AQR: variants seen among roughly 807,000 people sequenced by gnomAD.
AQR encodes the protein aquarius intron-binding spliceosomal factor.
In AQR, 61 loss-of-function variants were observed where a neutral mutation model predicts 180.5. The ratio of observed to expected loss-of-function variants is 0.34; its 90% confidence interval spans 0.28 to 0.42. The LOEUF (loss-of-function observed/expected upper bound fraction) is 0.42, where lower values mean the gene tolerates loss of function less well. Ranked by LOEUF, AQR falls within the 10% of genes least tolerant of loss-of-function variation. The pLI, the probability that AQR is intolerant of heterozygous loss-of-function variation, is 1.00. For synonymous variants in AQR, 551 were observed against 588.8 expected, an observed-to-expected ratio of 0.94 and a Z score of 0.93; for missense variants, 1,281 against 1,798.3, an observed-to-expected ratio of 0.71 and a Z score of 5.20.
At chr15:34,959,319 T>A (rs1260361042) in intron 3 of AQR, among the ~76,000 whole-genome samples, 1 of 152,146 alleles carries the variant, frequency 6.6e-6, no homozygotes, top group Non-Finnish European at 1.5e-5. Context: ...TACGCCACCA[T>A]GTCCAGCTAA....
intron 32 of AQR, among the ~76,000 whole-genome samples, chr15:34,864,760 C>T (rs1237912597): frequency 3.3e-5 from 5 of 152,122 alleles, no homozygotes; most frequent in South Asian, 2.1e-4. Flanking sequence ...GAGAAAACTT[C>T]TCCCCAGCCT....
At chr15:34,932,884 A>C (rs1218806099) in intron 10 of AQR, among the ~76,000 whole-genome samples, 2 of 152,146 alleles carry the variant, frequency 1.3e-5, no homozygotes, top group Non-Finnish European at 2.9e-5. Context: ...TGAACCCAGG[A>C]GGCAGAGGTT....
At chr15:34,881,620 ACTC>A (rs1892974629) in intron 27 of AQR, among the ~76,000 whole-genome samples, 1 of 152,110 alleles carries the variant, frequency 6.6e-6, no homozygotes, top group Non-Finnish European at 1.5e-5. Flanking sequence ...GTTATTTTGT[ACTC>A]CTGTTTTTAT....
intron 34 of AQR, among the ~76,000 whole-genome samples, chr15:34,858,466 T>C (rs1019552203): frequency 6.6e-6 from 1 of 152,160 alleles, no homozygotes; most frequent in African/African-American, 2.4e-5. Context: ...ATCTTATTCA[T>C]GGATAGGAAG....
rs199672982 is a variant in AQR at position 34,875,994 on chromosome 15, A to G, written c.3178T>C (p.Leu1060=). 2,515 of 1,611,030 alleles carry G rather than the reference A, an allele frequency of 1.6e-3. 4 individuals are homozygous for G. Among genetic ancestry groups the G allele is most frequent in the Admixed American group, 2.1e-3 (124 of 59,976 alleles). The change falls in exon 28 of 35, where the codon TTG becomes CTG. Residue 1060 remains leucine, a synonymous_variant. Coordinates refer to ENST00000156471, the MANE Select transcript of AQR (RefSeq NM_014691.3). ...VKLGFKYDNI[L]MEEAAQILEI... is the part of the protein sequence containing the mutation. ...AGAATCTGAGCAGCCTCTTCCATCA[A>G]AATGTTGTCATACTAAGAAAGAGGA... is the stretch of plus-strand genomic sequence containing the variant.
rs1893186064 is a variant in AQR, at chr15:34,893,623, A to ACG, written c.2571+39_2571+40insCG. The ACG allele has an allele frequency of 9.0e-6, 13 of 1,440,514 alleles. No homozygotes were observed. In the Admixed American group the frequency reaches 1.1e-4, roughly 12 times the overall value. 89.2% of individuals were successfully genotyped at this position (1,440,514 alleles called of 1,614,324 possible). On this transcript the variant is annotated intron_variant, in intron 23 of 34. Coordinates refer to ENST00000156471, the MANE Select transcript of AQR (RefSeq NM_014691.3). ...CGCATGCGTGCACACACACACACAC[A>ACG]CACACACACACACACACACACACAC...
intron 8 of AQR, among the ~76,000 whole-genome samples, chr15:34,939,433 A>G (rs1893992342): frequency 2.0e-5 from 3 of 152,232 alleles, no homozygotes; most frequent in African/African-American, 7.2e-5. Flanking sequence ...AAGAAGTTTC[A>G]AAATTCCATT....
intron 9 of AQR, 77 bp downstream of exon 9, chr15:34,938,660 T>C: frequency 1.1e-6 from 1 of 924,728 alleles, no homozygotes; most frequent in Non-Finnish European, 1.7e-6. Flanking sequence ...GAACAGTTTT[T>C]AGATTAGAGA....
chr15:34,944,751 T>C (rs1254680471), intron 5 of AQR, among the ~76,000 whole-genome samples: 1 of 152,226 alleles, frequency 6.6e-6, no homozygotes, highest in Non-Finnish European at 1.5e-5. Flanking sequence ...GTGTTTTAAT[T>C]TCTCTGATTT....
intron 14 of AQR, among the ~76,000 whole-genome samples, chr15:34,918,794 T>A (rs1241592495): frequency 1.3e-5 from 2 of 152,252 alleles, no homozygotes; most frequent in Non-Finnish European, 2.9e-5. Flanking sequence ...ATAGGAGCTC[T>A]AGGTTTTGGA....
chr15:34,924,422 T>A (rs1283800922), intron 13 of AQR, among the ~76,000 whole-genome samples: 12 of 152,154 alleles, frequency 7.9e-5, no homozygotes, highest in Non-Finnish European at 1.5e-4. Flanking sequence ...TATAATAGAT[T>A]TCAATCAATA....
At chr15:34,946,237 A>G (rs1447628112) in intron 5 of AQR, among the ~76,000 whole-genome samples, 1 of 152,224 alleles carries the variant, frequency 6.6e-6, no homozygotes, top group African/African-American at 2.4e-5. Context: ...CGCCATTTGC[A>G]CTCCAGCCTG....
chr15:34,907,428 G>C (rs912887181), intron 17 of AQR, among the ~76,000 whole-genome samples: 3 of 152,176 alleles, frequency 2.0e-5, no homozygotes, highest in African/African-American at 7.2e-5. Context: ...AGCATGTAAT[G>C]CTACACCACT....
chr15:34,876,128 CAG>C, intron 27 of AQR, 122 bp from the exon 28 acceptor site: 1 of 709,542 alleles, frequency 1.4e-6, no homozygotes, highest in Non-Finnish European at 2.4e-6. Context: ...ATTATTCAGA[CAG>C]ATAAAAATAA....
chr15:34,871,245 A>G (rs927276567), intron 30 of AQR, among the ~76,000 whole-genome samples: 6 of 152,134 alleles, frequency 3.9e-5, no homozygotes, highest in Non-Finnish European at 8.8e-5. Flanking sequence ...GGTAGCTCAC[A>G]TCTGTAATCC....
intron 24 of AQR, among the ~76,000 whole-genome samples, chr15:34,888,409 C>T (rs1893094216): frequency 1.3e-5 from 2 of 151,492 alleles, no homozygotes; most frequent in African/African-American, 4.9e-5. Context: ...TTTTAAAAAG[C>T]AACATAAGGC....
chr15:34,955,646 G>C (rs1277535679), intron 3 of AQR, among the ~76,000 whole-genome samples: 1 of 152,134 alleles, frequency 6.6e-6, no homozygotes, highest in East Asian at 1.9e-4. Flanking sequence ...AGTGGCTCAC[G>C]TCTGTAATCC....
At position 34,862,545 on chromosome 15, in the gene AQR, A is replaced by G. The variant is rs142965873; in HGVS notation, c.4029+322T>C. Among the ~76,000 whole-genome samples the G allele has an allele frequency of 2.6e-5, 4 of 152,242 alleles. No individual in the cohort carries two copies. In the East Asian group the frequency reaches 7.7e-4, roughly 29 times the overall value. On this transcript the variant is annotated intron_variant, in intron 33 of 34. Transcript: ENST00000156471. ...TGGTAGCCACTAAATGTTGGCTGAC[A>G]TTATTATTTTTAATTTTTATTTATT...
intron 3 of AQR, among the ~76,000 whole-genome samples, chr15:34,959,417 C>T (rs1164807527): frequency 1.3e-5 from 2 of 152,138 alleles, no homozygotes; most frequent in Non-Finnish European, 2.9e-5. Context: ...ATCCACCCAC[C>T]TCGGCCTCCC....
Sources: allele counts gnomAD v4.1 joint callset (sites outside exome capture counted in the v4.1 genomes callset), GRCh38; gene constraint gnomAD v4.1.1; transcripts MANE v1.5; gene names NCBI Gene and HGNC (gene_info 2026-07-23, HGNC 2026-07-21).